PLD6: variants seen among roughly 807,000 people sequenced by gnomAD.
The protein encoded by PLD6 is mitochondrial cardiolipin hydrolase.
Under a neutral mutation model 9.7 loss-of-function variants are expected in PLD6, and 10 were observed. The observed-to-expected ratio is 1.03, with a 90% confidence interval of 0.64 to 1.75. The LOEUF (loss-of-function observed/expected upper bound fraction) is 1.75, where lower values mean the gene tolerates loss of function less well. Among genes scored for constraint, PLD6 ranks in the 40% most tolerant of loss-of-function variants. The probability of loss-of-function intolerance (pLI) is 0.00; values close to 1 mark genes in which losing one functional copy is unlikely to be tolerated. For synonymous variants in PLD6, 152 were observed against 159.2 expected (o/e 0.96, Z 0.34); for missense variants, 334 against 347.6 (o/e 0.96, Z 0.31).
intron 1 of PLD6, 94 bp downstream of exon 1, chr17:17,205,766 G>A (rs2144783182): frequency 7.9e-6 from 11 of 1,398,262 alleles, no homozygotes; most frequent in Non-Finnish European, 1.1e-5. Flanking sequence ...GCCTCAGCCC[G>A]TCCCCAGACC....
In PLD6 at chr17:17,206,087, TC is replaced by T; in HGVS notation, c.199del (p.Glu67ArgfsTer14). 6.7e-7 allele frequency: 1 copy of T among 1,489,030 alleles called. No homozygotes were observed. The highest frequency in any genetic ancestry group is 1.3e-5 in the South Asian group (1 of 77,454). The allele number at this position is 1,489,030 out of a possible 1,614,324, so 92.2% of individuals were successfully genotyped here. ...APGAELAELP[E>X]GCPCGLPHGE... The stretch of plus-strand genomic sequence containing the variant: ...GTGGGGCAGGCCGCACGGGCAGCCC[TC>T]GGGGAGCTCGGCCAGCTCCGCGCCC... On this transcript the variant is annotated frameshift_variant, in exon 1 of 2. Transcript: ENST00000321560. LOFTEE classifies it high-confidence loss of function.
In PLD6 at chr17:17,206,211, C is replaced by T; in HGVS notation, c.76G>A (p.Val26Met). 6.5e-7 allele frequency: 1 copy of T among 1,536,590 alleles called. No individual in the cohort carries two copies. Among genetic ancestry groups the T allele is most frequent in the Non-Finnish European group, 8.7e-7 (1 of 1,151,486 alleles). Residue 26 changes from valine (V) to methionine (M), a missense_variant, in exon 1 of 2, where the codon GTG (valine) becomes ATG (methionine). Transcript: ENST00000321560. ...CGCCTGGACCGCAGCCAGCGCAGCA[C>T]CCAAGGCAGCGCCTCCAGAGTCAGA... The part of the protein sequence containing the change: ...LALTLEALPW[V>M]LRWLRSRRRR...
intron 1 of PLD6, among the ~76,000 whole-genome samples, chr17:17,205,311 G>C (rs867395087): frequency 6.6e-6 from 1 of 152,182 alleles, no homozygotes; most frequent in Non-Finnish European, 1.5e-5. Flanking sequence ...CTGCTTTCTA[G>C]AACATGTTCA....
rs374821991 is a variant in PLD6, at chr17:17,202,729, C to T, written c.*38G>A. ...GCCGAGGTCTCCCTCCCTCAGAACG[C>T]ACAGCAGCCCGCAGGGAGGGCTCAG... On this transcript the variant is annotated 3_prime_UTR_variant, in exon 2 of 2. Transcript: ENST00000321560. 1.9e-5 allele frequency: 30 copies of T among 1,576,008 alleles called. No homozygotes were observed. In the African/African-American group the frequency reaches 3.3e-4, roughly 17 times the overall value.
rs750367880 is a variant in PLD6, at chr17:17,206,252, G to A, written c.35C>T (p.Ala12Val). The A allele has an allele frequency of 7.8e-6, 12 of 1,543,876 alleles. No individual in the cohort carries two copies. Among genetic ancestry groups the A allele is most frequent in the Non-Finnish European group, 8.6e-6 (10 of 1,156,478 alleles). The stretch of plus-strand genomic sequence containing the variant: ...CAGAGTCAGAGCCAGGCCCACAGCC[G>A]CCGCGGCCGCCACCTGCCAACTCAA... Reference protein sequence around the residue: ...GRLSWQVAAAAAVGLALTLEA... With the variant: ...GRLSWQVAAAVAVGLALTLEA... Residue 12 changes from alanine to valine, a missense_variant, in exon 1 of 2, where the codon GCG (alanine) becomes GTG (valine). Coordinates refer to ENST00000321560, the MANE Select transcript of PLD6 (RefSeq NM_178836.4).
Position 17,203,168 on chromosome 17 carries a change from C to G in PLD6, c.428-70G>C. On this transcript the variant is annotated intron_variant, in intron 1 of 1. Transcript: ENST00000321560. Reference sequence around the variant, plus strand: ...CCCCAGTGTGGACTGTTCCTGGGGGCTACTGGCTTTACTATATGTTTCCAG... The same window carrying G: ...CCCCAGTGTGGACTGTTCCTGGGGGGTACTGGCTTTACTATATGTTTCCAG... The G allele has an allele frequency of 4.8e-6, 7 of 1,464,976 alleles. No homozygotes were observed. The Middle Eastern group carries it at 1.1e-3, about 226-fold the overall frequency. 90.7% of individuals were successfully genotyped at this position (1,464,976 alleles called of 1,614,324 possible).
At position 17,201,943 on chromosome 17, in the gene PLD6, G is replaced by C. The variant is rs562284242; in HGVS notation, c.*824C>G. On this transcript the variant is annotated 3_prime_UTR_variant, in exon 2 of 2. Transcript: ENST00000321560. ...AGAGGATGCAGTGAGCCGAGGTTGT[G>C]CCACTGCACTCCAGCCTGGGCCACA... is the stretch of plus-strand genomic sequence containing the variant. 1 of 152,092 alleles carries C rather than the reference G, an allele frequency of 6.6e-6. No individual in the cohort carries two copies. Among genetic ancestry groups the C allele is most frequent in the East Asian group, 1.9e-4 (1 of 5,190 alleles). 9.4% of individuals were successfully genotyped at this position (152,092 alleles called of 1,614,324 possible). A position where few individuals can be genotyped will look rare whatever the true frequency, so the allele number is the denominator to read the frequency against.
intron 1 of PLD6, among the ~76,000 whole-genome samples, chr17:17,203,302 T>G (rs2046690572): frequency 6.6e-6 from 1 of 152,094 alleles, no homozygotes; most frequent in East Asian, 1.9e-4. Context: ...GGCCAGAGCG[T>G]CACACACAGG....
intron 1 of PLD6, among the ~76,000 whole-genome samples, chr17:17,205,561 C>T (rs2144782847): frequency 6.6e-6 from 1 of 152,352 alleles, no homozygotes; most frequent in Admixed American, 6.5e-5. Context: ...TCTGCTCCGC[C>T]TCTAACCCGG....
Position 17,202,838 on chromosome 17 carries a change from C to G in PLD6, c.688G>C (p.Val230Leu), listed in dbSNP as rs2046685984. 1 of 1,614,040 alleles carries G rather than the reference C, an allele frequency of 6.2e-7. No homozygotes were observed. The highest frequency in any genetic ancestry group is 1.7e-5 in the Admixed American group (1 of 59,998). ...KKSHGSCAPP[V>L]SRAGGRLLSW... Reference sequence around the variant, plus strand: ...AGCAATCTCCCTCCAGCTCTGGAGACAGGTGGGGCACAGCTTCCGTGACTT... The same window carrying G: ...AGCAATCTCCCTCCAGCTCTGGAGAGAGGTGGGGCACAGCTTCCGTGACTT... The change falls in exon 2 of 2, where the codon GTC becomes CTC. Residue 230 changes from valine to leucine, a missense_variant. Val to Leu is a conservative substitution (Grantham distance 32). Transcript: ENST00000321560.
Position 17,202,739 on chromosome 17 carries a change from C to T in PLD6, c.*28G>A, listed in dbSNP as rs34585164. ...CCCTCCCTCAGAACGCACAGCAGCC[C>T]GCAGGGAGGGCTCAGCCCCATTCTT... is the stretch of plus-strand genomic sequence containing the variant. On this transcript the variant is annotated 3_prime_UTR_variant, in exon 2 of 2. Coordinates refer to ENST00000321560, the MANE Select transcript of PLD6 (RefSeq NM_178836.4). The T allele has an allele frequency of 3.2e-5, 51 of 1,595,490 alleles. No homozygotes were observed. The highest frequency in any genetic ancestry group is 4.0e-5 in the Non-Finnish European group (47 of 1,168,520).
chr17:17,206,131 C>T lies in PLD6; in HGVS notation c.156G>A (p.Glu52=). The change falls in exon 1 of 2, where the codon GAG becomes GAA. Residue 52 remains glutamate (E), a synonymous_variant. Transcript: ENST00000321560. ...CCGCGCCCGGAGCCCGCAGCAGGGC[C>T]TCGGTACAGGTCACCTGAGACGGGA... ...LFFPSQVTCT[E]ALLRAPGAEL... is the part of the protein sequence containing the mutation. The T allele has an allele frequency of 1.3e-6, 2 of 1,497,202 alleles. No homozygotes were observed. Among genetic ancestry groups the T allele is most frequent in the Non-Finnish European group, 1.8e-6 (2 of 1,131,170 alleles). The allele number at this position is 1,497,202 out of a possible 1,614,324, so 92.7% of individuals were successfully genotyped here.
rs769813450 is a variant in PLD6 at position 17,206,306 on chromosome 17, C to T, written c.-20G>A. On this transcript the variant is annotated 5_prime_UTR_variant, in exon 1 of 2. Coordinates refer to ENST00000321560, the MANE Select transcript of PLD6 (RefSeq NM_178836.4). ...TCCCATGCCGCCGCTAATCCGGGAC[C>T]CACAGCCACGCCGCCGCAGCGGAGT... 4 of 1,510,928 alleles carry T rather than the reference C, an allele frequency of 2.6e-6. No individual in the cohort carries two copies. Among genetic ancestry groups the T allele is most frequent in the Non-Finnish European group, 3.5e-6 (4 of 1,141,042 alleles). The allele number at this position is 1,510,928 out of a possible 1,614,324, so 93.6% of individuals were successfully genotyped here.
rs938699511 is a variant in PLD6 at position 17,206,092 on chromosome 17, G to A, written c.195C>T (p.Leu65=). The change falls in exon 1 of 2, where the codon CTC becomes CTT. Residue 65 remains leucine, a synonymous_variant. Transcript: ENST00000321560. ...GCAGGCCGCACGGGCAGCCCTCGGG[G>A]AGCTCGGCCAGCTCCGCGCCCGGAG... ...LRAPGAELAE[L]PEGCPCGLPH... 26 of 1,487,520 alleles carry A rather than the reference G, an allele frequency of 1.7e-5. No homozygotes were observed. Among genetic ancestry groups the A allele is most frequent in the Non-Finnish European group, 2.2e-5 (25 of 1,127,974 alleles). 92.1% of individuals were successfully genotyped at this position (1,487,520 alleles called of 1,614,324 possible).
intron 1 of PLD6, among the ~76,000 whole-genome samples, chr17:17,205,571 G>T (rs538296281): frequency 3.9e-5 from 6 of 152,304 alleles, no homozygotes; most frequent in South Asian, 4.1e-4. Context: ...CTCTAACCCG[G>T]CACACGCAGG....
rs1354390922 is a variant in PLD6, at chr17:17,202,967, G to A, written c.559C>T (p.Leu187Phe). Residue 187 changes from leucine (L) to phenylalanine (F), a missense_variant, in exon 2 of 2, where the codon CTC becomes TTC. Coordinates refer to ENST00000321560, the MANE Select transcript of PLD6 (RefSeq NM_178836.4). ...ACGTACTCGTCGTCCTCCGTGATGA[G>A]AACATTCTCCCTGTTGTTCTGGATG... ...QAIQNNRENV[L>F]ITEDDEYVRL... 6.2e-7 allele frequency: 1 copy of A among 1,614,222 alleles called. No homozygotes were observed. Among genetic ancestry groups the A allele is most frequent in the African/African-American group, 1.3e-5 (1 of 75,056 alleles).
At position 17,203,003 on chromosome 17, in the gene PLD6, T is replaced by C. The variant is rs774000285; in HGVS notation, c.523A>G (p.Thr175Ala). The C allele has an allele frequency of 6.2e-7, 1 of 1,614,090 alleles. No homozygotes were observed. ...RVLITGSLNW[T>A]TQAIQNNREN... Reference sequence around the variant, plus strand: ...CTGTTGTTCTGGATGGCTTGCGTGGTCCAGTTGAGCGAGCCAGTGATGAGC... The same window carrying C: ...CTGTTGTTCTGGATGGCTTGCGTGGCCCAGTTGAGCGAGCCAGTGATGAGC... The change falls in exon 2 of 2, where the codon ACC becomes GCC. Residue 175 changes from threonine to alanine, a missense_variant. Transcript: ENST00000321560.
chr17:17,204,698 C>T (rs1377154351), intron 1 of PLD6, among the ~76,000 whole-genome samples: 1 of 152,224 alleles, frequency 6.6e-6, no homozygotes, highest in South Asian at 2.1e-4. Context: ...CAGAACTGTA[C>T]TGTGCATGCC....
At chr17:17,205,776 C>T in intron 1 of PLD6, 84 bp downstream of exon 1, 1 of 1,451,294 alleles carries the variant, frequency 6.9e-7, no homozygotes, top group Non-Finnish European at 9.3e-7. Context: ...GTCCCCAGAC[C>T]CCCTCCCCTA....
Sources: allele counts gnomAD v4.1 joint callset (sites outside exome capture counted in the v4.1 genomes callset), GRCh38; gene constraint gnomAD v4.1.1; transcripts MANE v1.5; gene names NCBI Gene and HGNC (gene_info 2026-07-23, HGNC 2026-07-21).